The following ASIC2 variants were observed in gnomAD, a reference collection of about 807,000 sequenced individuals.
ASIC2 encodes the protein acid-sensing ion channel 2.
Under a neutral mutation model 57.3 loss-of-function variants are expected in ASIC2, and 25 were observed. The observed-to-expected ratio is 0.44, with a 90% CI of 0.32 to 0.61. ASIC2 has a LOEUF of 0.61. Ranked by LOEUF, ASIC2 falls within the 20% of genes least tolerant of loss-of-function variation. The pLI is 0.06. For missense variants in ASIC2, 641 were observed against 738.1 expected (o/e 0.87, Z 1.52); for synonymous variants, 319 against 307.5 (o/e 1.04, Z -0.39).
intron 1 of ASIC2, among the ~76,000 whole-genome samples, chr17:34,051,060 T>C (rs1908536272): frequency 6.6e-6 from 1 of 152,242 alleles, no homozygotes; most frequent in Admixed American, 6.5e-5. Context: ...AGATTCTTTA[T>C]TGTGCAATTG....
At chr17:33,220,787 G>T (rs537462721) in intron 1 of ASIC2, among the ~76,000 whole-genome samples, 1 of 152,250 alleles carries the variant, frequency 6.6e-6, no homozygotes, top group East Asian at 1.9e-4. Context: ...CAGATGTAGG[G>T]CCAGGCGCCG....
intron 1 of ASIC2, among the ~76,000 whole-genome samples, chr17:33,303,062 G>T (rs961788896): frequency 2.6e-5 from 4 of 152,214 alleles, no homozygotes; most frequent in Non-Finnish European, 4.4e-5. Context: ...TTCAGGTGAA[G>T]GAAATGAGTC....
chr17:33,214,511 T>A (rs1384196977), intron 1 of ASIC2, among the ~76,000 whole-genome samples: 1 of 152,228 alleles, frequency 6.6e-6, no homozygotes, highest in Non-Finnish European at 1.5e-5. Context: ...TATCCCTTTA[T>A]CCTTCAATTG....
At chr17:33,031,597 A>G (rs879783398) in intron 3 of ASIC2, among the ~76,000 whole-genome samples, 3 of 152,196 alleles carry the variant, frequency 2.0e-5, no homozygotes, top group Non-Finnish European at 2.9e-5. Flanking sequence ...ACTGTTTTAC[A>G]AAAGGCAATT....
chr17:33,441,871 A>G (rs2141984455), intron 1 of ASIC2, among the ~76,000 whole-genome samples: 1 of 152,312 alleles, frequency 6.6e-6, no homozygotes, highest in South Asian at 2.1e-4. Context: ...CCTCCGTCAA[A>G]TAAAACTTAC....
At chr17:33,467,855 C>T (rs931459850) in intron 1 of ASIC2, among the ~76,000 whole-genome samples, 7 of 152,172 alleles carry the variant, frequency 4.6e-5, no homozygotes, top group South Asian at 2.1e-4. Context: ...GACCAAGTTG[C>T]GGCCTGACCA....
chr17:33,367,968 T>C (rs188938316), intron 1 of ASIC2, among the ~76,000 whole-genome samples: 1 of 152,212 alleles, frequency 6.6e-6, no homozygotes, highest in African/African-American at 2.4e-5. Flanking sequence ...AACTGACCAC[T>C]GTAGCATGAG....
chr17:33,806,627 G>A (rs966152776), intron 1 of ASIC2, among the ~76,000 whole-genome samples: 11 of 152,294 alleles, frequency 7.2e-5, no homozygotes, highest in African/African-American at 2.6e-4. Context: ...TGTCAAGCAC[G>A]GGCCTTCTGA....
rs1491371437 is a variant in ASIC2 at position 33,760,165 on chromosome 17, A to AT, written c.555+395812_555+395813insA. 7.4e-3 allele frequency among the ~76,000 whole-genome samples: 438 copies of AT among 59,152 alleles called. 1 individual carries two copies. The highest frequency in any genetic ancestry group is 0.019 in the African/African-American group (422 of 21,650). 38.8% of individuals were successfully genotyped at this position (59,152 alleles called of 152,430 possible). ...AAGTATCTAAGAATTATAATGACTCAAAAAAAAATGGACTTATTTGACATA... is the reference window on the plus strand; with the variant it reads ...AAGTATCTAAGAATTATAATGACTCATAAAAAAAATGGACTTATTTGACATA... On this transcript the variant is annotated intron_variant, in intron 1 of 9. Coordinates refer to the ASIC2 transcript ENST00000359872.
chr17:33,681,228 C>A (rs1907991006), intron 1 of ASIC2, among the ~76,000 whole-genome samples: 1 of 152,218 alleles, frequency 6.6e-6, no homozygotes, highest in Non-Finnish European at 1.5e-5. Flanking sequence ...TCATTTCACT[C>A]CCCTTATTCA....
intron 1 of ASIC2, among the ~76,000 whole-genome samples, chr17:33,351,965 G>A (rs1908201627): frequency 6.6e-6 from 1 of 152,060 alleles, no homozygotes; most frequent in Non-Finnish European, 1.5e-5. Flanking sequence ...GTTTTTAGCT[G>A]TCTTCTTCCT....
intron 1 of ASIC2, among the ~76,000 whole-genome samples, chr17:33,255,224 C>A (rs1909023263): frequency 6.6e-6 from 1 of 151,480 alleles, no homozygotes; most frequent in African/African-American, 2.4e-5. Flanking sequence ...ATTTTTAGTA[C>A]TAGCAGGGTT....
intron 1 of ASIC2, among the ~76,000 whole-genome samples, chr17:33,252,904 C>G (rs973803831): frequency 2.0e-5 from 3 of 152,166 alleles, no homozygotes; most frequent in Non-Finnish European, 4.4e-5. Context: ...TATCCTCTAT[C>G]CTATGCCTCT....
At chr17:33,362,822 A>G (rs1908663359) in intron 1 of ASIC2, among the ~76,000 whole-genome samples, 2 of 152,252 alleles carry the variant, frequency 1.3e-5, no homozygotes. Flanking sequence ...TTGTTTGAGC[A>G]TCTACTGAAT....
At chr17:33,291,366 G>T in intron 1 of ASIC2, 42 bp downstream of exon 1, 1 of 1,556,976 alleles carries the variant, frequency 6.4e-7, no homozygotes. Context: ...CTGCCGGGGA[G>T]TGGGGCGCAG....
chr17:33,385,425 A>ACT (rs1291950343), intron 1 of ASIC2, among the ~76,000 whole-genome samples: 2 of 151,106 alleles, frequency 1.3e-5, no homozygotes, highest in African/African-American at 4.9e-5. Context: ...AGGGTACATC[A>ACT]CTCTCTCTCC....
intron 1 of ASIC2, among the ~76,000 whole-genome samples, chr17:33,781,420 T>G (rs949132083): frequency 2.2e-4 from 33 of 152,168 alleles, no homozygotes; most frequent in Non-Finnish European, 4.4e-4. Context: ...TGAGAGATGC[T>G]GGGGACAGCG....
intron 1 of ASIC2, among the ~76,000 whole-genome samples, chr17:33,757,073 C>T (rs1277107917): frequency 6.6e-6 from 1 of 152,180 alleles, no homozygotes; most frequent in African/African-American, 2.4e-5. Flanking sequence ...AGTGAAGGAA[C>T]AAGAGGACAC....
intron 1 of ASIC2, among the ~76,000 whole-genome samples, chr17:33,279,761 T>C (rs527549128): frequency 1.3e-5 from 2 of 152,182 alleles, no homozygotes; most frequent in South Asian, 2.1e-4. Context: ...GTGGCGTGCA[T>C]TGAATATTCC....
Sources: gnomAD v4.1 joint callset for allele counts (sites outside exome capture counted in the v4.1 genomes callset) on GRCh38, gnomAD v4.1.1 for gene constraint, MANE v1.5 for transcripts, NCBI Gene and HGNC (gene_info 2026-07-23, HGNC 2026-07-21) for gene names.